Variants in GPHN observed in about 807,000 individuals in gnomAD.
The protein encoded by GPHN is gephyrin.
In GPHN, 17 loss-of-function variants were observed where a neutral mutation model predicts 95.5. That is an observed-to-expected ratio of 0.18 (90% confidence interval 0.12 to 0.27). The LOEUF is 0.27. Among genes scored for constraint, GPHN ranks in the 10% least tolerant of loss-of-function variants. The pLI, the probability that GPHN is intolerant of heterozygous loss-of-function variation, is 1.00. For missense variants in GPHN, 660 were observed against 978.1 expected (o/e 0.67, Z 4.34); for synonymous variants, 320 against 322.5 (o/e 0.99, Z 0.08).
intron 3 of GPHN, among the ~76,000 whole-genome samples, chr14:66,812,438 G>T (rs1262070099): frequency 1.3e-5 from 2 of 152,138 alleles, no homozygotes; most frequent in African/African-American, 4.8e-5. Flanking sequence ...TGCGAGAAAA[G>T]ATAATCAATT....
At chr14:67,196,223 C>CTTTTTTTTTTTTTTTTTTTTTTTTTTTT in the GPHN span, among the ~76,000 whole-genome samples, 1 of 143,116 alleles carries the variant, frequency 7.0e-6, no homozygotes, top group Non-Finnish European at 1.5e-5. Context: ...TTCTTTCTTT[C>CTTTTTTTTTTTTTTTTTTTTTTTTTTTT]TTTTTTTTTT....
chr14:67,280,510 C>T, the GPHN span, among the ~76,000 whole-genome samples: 2 of 152,142 alleles, frequency 1.3e-5, no homozygotes, highest in Non-Finnish European at 2.9e-5. Context: ...ATCCTGTTAA[C>T]AGTACTCTGT....
chr14:67,561,416 T>C, the GPHN span, among the ~76,000 whole-genome samples: 270 of 152,238 alleles, frequency 1.8e-3, 2 homozygotes, highest in South Asian at 6.6e-3. Context: ...CCGGGCATAG[T>C]GGCGTGCACC....
At chr14:67,695,731 G>C in the GPHN span, 4 of 1,610,084 alleles carry the variant, frequency 2.5e-6, no homozygotes, top group East Asian at 2.2e-5. Flanking sequence ...GCACCAGAGC[G>C]GGATGCTCCA....
intron 4 of GPHN, among the ~76,000 whole-genome samples, chr14:66,847,118 C>T (rs919962017): frequency 6.6e-6 from 1 of 152,098 alleles, no homozygotes; most frequent in Non-Finnish European, 1.5e-5. Context: ...TTAGGATAAA[C>T]TTTACTAACA....
intron 5 of GPHN, among the ~76,000 whole-genome samples, chr14:66,904,501 G>A (rs1266603523): frequency 1.3e-5 from 2 of 152,108 alleles, no homozygotes; most frequent in Non-Finnish European, 2.9e-5. Context: ...TGATTGGTAC[G>A]TTTTACAATT....
intron 8 of GPHN, among the ~76,000 whole-genome samples, chr14:66,954,377 T>A (rs2068339055): frequency 1.3e-5 from 2 of 152,232 alleles, no homozygotes; most frequent in Non-Finnish European, 2.9e-5. Context: ...CATATTTTAT[T>A]CTCTTTGATG....
At chr14:66,980,404 G>A (rs966642565) in intron 9 of GPHN, among the ~76,000 whole-genome samples, 1 of 151,864 alleles carries the variant, frequency 6.6e-6, no homozygotes, top group Non-Finnish European at 1.5e-5. Context: ...GGTCTCATGT[G>A]CAAATAATAA....
the GPHN span, chr14:67,646,491 TCTC>T: frequency 5.1e-5 from 30 of 586,378 alleles, no homozygotes; most frequent in Admixed American, 1.3e-4. Context: ...TTGTGTCACT[TCTC>T]CTTCCCAGAT....
the GPHN span, among the ~76,000 whole-genome samples, chr14:67,492,675 A>G: frequency 7.2e-5 from 11 of 152,074 alleles, no homozygotes; most frequent in Non-Finnish European, 1.0e-4. Context: ...TGACAACAGG[A>G]CTCCGCTTTT....
the GPHN span, among the ~76,000 whole-genome samples, chr14:67,274,581 C>G: frequency 6.6e-6 from 1 of 152,092 alleles, no homozygotes; most frequent in East Asian, 1.9e-4. Context: ...ATTCTTTTGG[C>G]TTAGGGTTGT....
intron 16 of GPHN, among the ~76,000 whole-genome samples, chr14:67,120,321 T>C (rs1352001410): frequency 3.3e-5 from 5 of 152,178 alleles, no homozygotes; most frequent in Non-Finnish European, 5.9e-5. Context: ...TAAGATTCAG[T>C]TTTAAAAGGA....
At chr14:66,878,169 C>T (rs145919096) in intron 4 of GPHN, among the ~76,000 whole-genome samples, 1,880 of 152,202 alleles carry the variant, frequency 0.012, 25 homozygotes, top group African/African-American at 0.042. Context: ...ACTGGCTAGC[C>T]ATATGCAGAA....
intron 1 of GPHN, among the ~76,000 whole-genome samples, chr14:66,547,973 C>T (rs1312102795): frequency 6.6e-6 from 1 of 152,064 alleles, no homozygotes; most frequent in Non-Finnish European, 1.5e-5. Context: ...TAGTTCACCT[C>T]ATGGATATTG....
At chr14:67,622,474 C>T in the GPHN span, among the ~76,000 whole-genome samples, 169 of 152,302 alleles carry the variant, frequency 1.1e-3, 2 homozygotes, top group African/African-American at 4.0e-3. Flanking sequence ...TAAATAATTG[C>T]AGTTTCTTCT....
intron 5 of GPHN, among the ~76,000 whole-genome samples, chr14:66,885,197 A>G (rs2064127852): frequency 6.6e-6 from 1 of 152,058 alleles, no homozygotes; most frequent in Non-Finnish European, 1.5e-5. Flanking sequence ...CACCAAATAT[A>G]CTTAGCTTAT....
intron 19 of GPHN, among the ~76,000 whole-genome samples, chr14:67,164,270 CAAAAAAAAAAAAAA>C (rs780524695): frequency 1.1e-4 from 5 of 46,624 alleles, no homozygotes; most frequent in African/African-American, 3.5e-4. Context: ...ACTCCATCTC[CAAAAAAAAAAAAAA>C]AAAAAAAAAC....
chr14:66,850,752 T>TGATA (rs1285956309), intron 4 of GPHN, among the ~76,000 whole-genome samples: 1 of 152,054 alleles, frequency 6.6e-6, no homozygotes, highest in Non-Finnish European at 1.5e-5. Flanking sequence ...CCTCATGACA[T>TGATA]AATATCGAGT....
chr14:66,872,611 T>A lies in GPHN; in HGVS notation c.295-7328T>A, dbSNP rs932879707. Among the ~76,000 whole-genome samples, 6 of 152,228 alleles carry A rather than the reference T, an allele frequency of 3.9e-5. 1 individual carries two copies. The highest frequency in any genetic ancestry group is 1.4e-4 in the African/African-American group (6 of 41,552). The stretch of plus-strand genomic sequence containing the variant: ...CTGTACTTATCTTAAGAATGCCGTA[T>A]CCTCCAGGCATGGTGGCTTATGCCT... On this transcript the variant is annotated intron_variant, in intron 4 of 22. Transcript: ENST00000478722.
Sources: gnomAD v4.1 joint callset for allele counts (sites outside exome capture counted in the v4.1 genomes callset) on GRCh38, gnomAD v4.1.1 for gene constraint, MANE v1.5 for transcripts, NCBI Gene and HGNC (gene_info 2026-07-23, HGNC 2026-07-21) for gene names.